The following ADD1 variants were observed in gnomAD, a reference collection of about 807,000 sequenced individuals.
The protein encoded by ADD1 is alpha-adducin.
ADD1 carries 24 observed loss-of-function variants against 80.5 expected under a neutral mutation model. That is an observed-to-expected ratio of 0.30 (90% CI 0.22 to 0.42). The LOEUF (loss-of-function observed/expected upper bound fraction) is 0.42. Among genes scored for constraint, ADD1 ranks in the 10% least tolerant of loss-of-function variants. The pLI is 1.00. For missense variants in ADD1, 948 were observed against 1,019.0 expected (o/e 0.93, Z 0.95); for synonymous variants, 373 against 393.8 (o/e 0.95, Z 0.63).
At chr4:2,858,257 C>G (rs946514136) in intron 1 of ADD1, among the ~76,000 whole-genome samples, 2 of 152,180 alleles carry the variant, frequency 1.3e-5, no homozygotes, top group African/African-American at 4.8e-5. Flanking sequence ...GCTATTGCTG[C>G]TACTGCTAAT....
At chr4:2,850,350 C>T (rs972659452) in intron 1 of ADD1, among the ~76,000 whole-genome samples, 10 of 152,212 alleles carry the variant, frequency 6.6e-5, no homozygotes, top group African/African-American at 2.4e-4. Context: ...TCACTGCAAC[C>T]TCCACCTCCC....
chr4:2,922,751 C>A (rs1397734678), intron 14 of ADD1, among the ~76,000 whole-genome samples: 1 of 152,238 alleles, frequency 6.6e-6, no homozygotes, highest in East Asian at 1.9e-4. Flanking sequence ...AACCCTTCCC[C>A]CAGGTGCTCT....
Position 2,881,895 on chromosome 4 carries a change from T to C in ADD1, c.196-3T>C. The C allele has an allele frequency of 6.3e-7, 1 of 1,591,710 alleles. No homozygotes were observed. The highest frequency in any genetic ancestry group is 8.5e-7 in the Non-Finnish European group (1 of 1,172,482). On this transcript the variant is annotated splice_region_variant and splice_polypyrimidine_tract_variant and intron_variant, in intron 2 of 15. Coordinates refer to ENST00000683351, the MANE Select transcript of ADD1 (RefSeq NM_001354761.2). The stretch of plus-strand genomic sequence containing the variant: ...ATCTCAGTGTTTTAATATTTTTTAT[T>C]AGGCTTTCTGTGAAGAATTGGAATC...
At chr4:2,876,421 G>C (rs1436041914) in intron 2 of ADD1, 2 of 183,130 alleles carry the variant, frequency 1.1e-5, no homozygotes. Flanking sequence ...CCTAGCTTAG[G>C]CTGGGTGCGT....
chr4:2,868,475 C>T (rs1729898638), intron 1 of ADD1, among the ~76,000 whole-genome samples: 1 of 152,176 alleles, frequency 6.6e-6, no homozygotes, highest in African/African-American at 2.4e-5. Context: ...CTCTTTCCAG[C>T]GAACTCTCCA....
rs1449357285 is a variant in ADD1, at chr4:2,928,694, T to A, written c.*171T>A. The A allele has an allele frequency of 3.1e-6, 2 of 644,260 alleles. No homozygotes were observed. Among genetic ancestry groups the A allele is most frequent in the South Asian group, 4.3e-5 (2 of 46,108 alleles). The allele number at this position is 644,260 out of a possible 1,614,324, so 39.9% of individuals were successfully genotyped here. On this transcript the variant is annotated 3_prime_UTR_variant, in exon 16 of 16. Coordinates refer to ENST00000683351, the MANE Select transcript of ADD1 (RefSeq NM_001354761.2). Reference sequence around the variant, plus strand: ...AGCCCCGGGCTGACCCAGTGTGTGCTCAGCAGCCCCACCCCACCCTGCCCC... The same window carrying A: ...AGCCCCGGGCTGACCCAGTGTGTGCACAGCAGCCCCACCCCACCCTGCCCC...
At chr4:2,907,633 C>T in intron 10 of ADD1, 110 bp from the exon 11 acceptor site, 5 of 938,554 alleles carry the variant, frequency 5.3e-6, no homozygotes, top group Non-Finnish European at 6.9e-6. Context: ...GTTCAGTCCT[C>T]TCTGTGATGT....
chr4:2,915,526 A>G (rs1738851846), intron 14 of ADD1, among the ~76,000 whole-genome samples: 2 of 152,232 alleles, frequency 1.3e-5, no homozygotes, highest in Admixed American at 6.5e-5. Context: ...CTGTAGTCCC[A>G]GCTACTTGGG....
intron 1 of ADD1, chr4:2,844,459 CG>C (rs1249881037): frequency 6.6e-6 from 1 of 152,216 alleles, no homozygotes; most frequent in Non-Finnish European, 1.5e-5. Context: ...TTAAAAACGA[CG>C]GCTTCTGCCA....
rs1451499883 is a variant in ADD1, at chr4:2,929,392, T to A, written c.*869T>A. The A allele has an allele frequency of 6.6e-6, 1 of 152,306 alleles. No individual in the cohort carries two copies. The highest frequency in any genetic ancestry group is 2.4e-5 in the African/African-American group (1 of 41,456). 9.4% of individuals were successfully genotyped at this position (152,306 alleles called of 1,614,324 possible). On this transcript the variant is annotated 3_prime_UTR_variant, in exon 16 of 16. Transcript: ENST00000683351. ...AGGCTTCAGGGGACTGTTCTCACCTTAACTCAGCCAGAAAGATGCCCTAGT... is the reference window on the plus strand; with the variant it reads ...AGGCTTCAGGGGACTGTTCTCACCTAAACTCAGCCAGAAAGATGCCCTAGT...
intron 1 of ADD1, among the ~76,000 whole-genome samples, chr4:2,847,789 G>C (rs1393432088): frequency 6.6e-6 from 1 of 152,168 alleles, no homozygotes; most frequent in African/African-American, 2.4e-5. Context: ...GCTTGAAGCA[G>C]GGAGGGAGCT....
intron 14 of ADD1, among the ~76,000 whole-genome samples, chr4:2,923,899 C>G (rs1189019015): frequency 6.6e-6 from 1 of 152,266 alleles, no homozygotes; most frequent in African/African-American, 2.4e-5. Context: ...GCCTTCCTCA[C>G]TGAGTCTTTG....
intron 1 of ADD1, among the ~76,000 whole-genome samples, chr4:2,868,919 A>G (rs961338441): frequency 6.6e-6 from 1 of 152,102 alleles, no homozygotes; most frequent in African/African-American, 2.4e-5. Flanking sequence ...GAATAGAGAG[A>G]ATAGTTAAAT....
At chr4:2,858,388 A>G (rs545717122) in intron 1 of ADD1, among the ~76,000 whole-genome samples, 1 of 152,350 alleles carries the variant, frequency 6.6e-6, no homozygotes, top group East Asian at 1.9e-4. Context: ...TTACAGATGA[A>G]GAAACTGAAA....
At chr4:2,874,989 G>T (rs1307949312) in intron 1 of ADD1, among the ~76,000 whole-genome samples, 2 of 152,192 alleles carry the variant, frequency 1.3e-5, no homozygotes, top group African/African-American at 4.8e-5. Context: ...CACTTTGGAA[G>T]GCCAAGGTGA....
At position 2,928,309 on chromosome 4, in the gene ADD1, C is replaced by T. The variant is rs371284874; in HGVS notation, c.2186C>T (p.Pro729Leu). ...MLEKEEEAHR[P>L]PSPTEAPTEA... Reference sequence around the variant, plus strand: ...GAGAAGGAGGAGGAAGCCCATAGACCCCCAAGCCCCACTGAGGCCCCTACT... The same window carrying T: ...GAGAAGGAGGAGGAAGCCCATAGACTCCCAAGCCCCACTGAGGCCCCTACT... Residue 729 changes from proline (P) to leucine (L), a missense_variant, in exon 16 of 16, where the codon CCC becomes CTC. Coordinates refer to ENST00000683351, the MANE Select transcript of ADD1 (RefSeq NM_001354761.2). 1 of 1,614,044 alleles carries T rather than the reference C, an allele frequency of 6.2e-7. No individual in the cohort carries two copies. Among genetic ancestry groups the T allele is most frequent in the African/African-American group, 1.3e-5 (1 of 75,026 alleles).
rs918564695 is a variant in ADD1 at position 2,914,744 on chromosome 4, C to G, written c.1792-140C>G. 4.3e-6 allele frequency: 4 copies of G among 932,716 alleles called. No individual in the cohort carries two copies. The Admixed American group carries it at 9.9e-5, about 23-fold the overall frequency. 57.8% of individuals were successfully genotyped at this position (932,716 alleles called of 1,614,324 possible). ...GAAGGCTGCAGCTCAGCCTAGGCCTCGGGCCCATGGCAGTGCAGTCTCAGG... is the reference window on the plus strand; with the variant it reads ...GAAGGCTGCAGCTCAGCCTAGGCCTGGGGCCCATGGCAGTGCAGTCTCAGG... On this transcript the variant is annotated intron_variant, in intron 13 of 15. Transcript: ENST00000683351.
chr4:2,852,166 CTTT>C (rs1218965712), intron 1 of ADD1, among the ~76,000 whole-genome samples: 4 of 74,650 alleles, frequency 5.4e-5, no homozygotes, highest in African/African-American at 1.7e-4. Flanking sequence ...TTCTTTCTTT[CTTT>C]CTTTCTTTCT....
intron 2 of ADD1, among the ~76,000 whole-genome samples, chr4:2,879,209 A>G (rs991700855): frequency 1.3e-5 from 2 of 152,188 alleles, no homozygotes; most frequent in Non-Finnish European, 2.9e-5. Flanking sequence ...CCAAACGTTA[A>G]GATCCAGATT....
Sources: gnomAD v4.1 joint callset for allele counts (sites outside exome capture counted in the v4.1 genomes callset) on GRCh38, gnomAD v4.1.1 for gene constraint, MANE v1.5 for transcripts, NCBI Gene and HGNC (gene_info 2026-07-23, HGNC 2026-07-21) for gene names.